Variants in FAAH2 observed in about 807,000 individuals in gnomAD.
The protein encoded by FAAH2 is fatty-acid amide hydrolase 2.
FAAH2 carries 60 observed loss-of-function variants against 36.9 expected under a neutral mutation model. The ratio of observed to expected loss-of-function variants is 1.63; its 90% confidence interval spans 1.32 to 2.02. FAAH2 has a LOEUF of 2.02. Ranked by LOEUF, FAAH2 falls within the 30% of genes most tolerant of loss-of-function variation. FAAH2 has a pLI of 0.00. For synonymous variants in FAAH2, 214 were observed against 143.8 expected (o/e 1.49, Z -3.49); for missense variants, 689 against 397.5 (o/e 1.73, Z -6.23).
chrX:57,417,840 T>C (rs1569330453), intron 7 of FAAH2, among the ~76,000 whole-genome samples: 1 of 111,757 alleles, frequency 8.9e-6, no homozygotes, highest in Non-Finnish European at 1.9e-5. Flanking sequence ...AGCCGCCCCT[T>C]CCCCCAGGTT....
In FAAH2 at chrX:57,353,884, A is replaced by G. The variant is rs189890002; in HGVS notation, c.742+12494A>G. Among the ~76,000 whole-genome samples, 250 of 111,453 alleles carry G rather than the reference A, an allele frequency of 2.2e-3. 2 individuals are homozygous for G. The highest frequency in any genetic ancestry group is 5.5e-4 in the Non-Finnish European group (29 of 52,734). ...ACTAGCTATCAGAGAAATGCAAGTC[A>G]AAACCAATGTGAGATTATATCTTAC... is the stretch of plus-strand genomic sequence containing the variant. On this transcript the variant is annotated intron_variant, in intron 5 of 10. Transcript: ENST00000374900.
the FAAH2 span, among the ~76,000 whole-genome samples, chrX:57,233,818 G>A: frequency 8.9e-6 from 1 of 112,106 alleles, no homozygotes; most frequent in South Asian, 3.7e-4. Flanking sequence ...TTTATTTCAT[G>A]ATATTTTGTG....
chrX:57,285,439 C>T (rs1236282547), upstream of FAAH2, among the ~76,000 whole-genome samples: 7 of 111,982 alleles, frequency 6.3e-5, no homozygotes, highest in Admixed American at 9.5e-5. Context: ...CCCTGTTCTT[C>T]GAGGAGTTTA....
At chrX:57,197,832 G>A in the FAAH2 span, among the ~76,000 whole-genome samples, 7 of 112,123 alleles carry the variant, frequency 6.2e-5, no homozygotes, top group South Asian at 3.7e-4. Flanking sequence ...TTTGTTTAGC[G>A]CACTGGTTTC....
chrX:57,129,982 G>T, the FAAH2 span, among the ~76,000 whole-genome samples: 1 of 112,350 alleles, frequency 8.9e-6, no homozygotes, highest in Non-Finnish European at 1.9e-5. Flanking sequence ...GAGCTCAATG[G>T]CAATGCTTCT....
the FAAH2 span, among the ~76,000 whole-genome samples, chrX:57,157,162 G>A: frequency 9.0e-6 from 1 of 111,694 alleles, no homozygotes; most frequent in Non-Finnish European, 1.9e-5. Flanking sequence ...CTTTGCCCAA[G>A]TGGAAAGAGT....
intron 7 of FAAH2, among the ~76,000 whole-genome samples, chrX:57,387,601 A>T (rs890173696): frequency 9.0e-6 from 1 of 111,373 alleles, no homozygotes; most frequent in Non-Finnish European, 1.9e-5. Context: ...GTTTTGAATA[A>T]AAAAAGAAAC....
At chrX:57,260,759 G>A in the FAAH2 span, among the ~76,000 whole-genome samples, 62 of 109,808 alleles carry the variant, frequency 5.6e-4, no homozygotes, top group South Asian at 4.5e-3. Flanking sequence ...GTGTGTGTGT[G>A]TATATATATA....
chrX:57,443,005 G>T (rs1174940572), intron 8 of FAAH2, among the ~76,000 whole-genome samples: 4 of 111,787 alleles, frequency 3.6e-5, no homozygotes, highest in African/African-American at 1.3e-4. Flanking sequence ...GCTTCCCTTT[G>T]TGGGTAACCC....
the FAAH2 span, among the ~76,000 whole-genome samples, chrX:57,159,776 A>G: frequency 8.9e-6 from 1 of 111,878 alleles, no homozygotes; most frequent in Non-Finnish European, 1.9e-5. Flanking sequence ...CAATGATGTG[A>G]TCTGCAAACA....
chrX:57,189,366 C>A, the FAAH2 span, among the ~76,000 whole-genome samples: 1 of 109,924 alleles, frequency 9.1e-6, no homozygotes, highest in Non-Finnish European at 1.9e-5. Context: ...TGTTATTAAC[C>A]AGCTTCTGAA....
At chrX:57,202,995 G>T in the FAAH2 span, among the ~76,000 whole-genome samples, 1 of 111,903 alleles carries the variant, frequency 8.9e-6, no homozygotes, top group Non-Finnish European at 1.9e-5. Context: ...TAGTCAGCTT[G>T]TGCTAAATGC....
At chrX:57,369,026 T>C (rs2054487769) in intron 5 of FAAH2, among the ~76,000 whole-genome samples, 1 of 107,317 alleles carries the variant, frequency 9.3e-6, no homozygotes, top group South Asian at 4.0e-4. Context: ...GAGATACATA[T>C]AATGGAAAAG....
intron 7 of FAAH2, among the ~76,000 whole-genome samples, chrX:57,419,553 T>G (rs1248408167): frequency 8.9e-6 from 1 of 111,920 alleles, no homozygotes. Flanking sequence ...TCGCCCACTT[T>G]TTGATGGGGT....
chrX:57,402,077 C>T (rs1426948957), intron 7 of FAAH2, among the ~76,000 whole-genome samples: 4 of 111,263 alleles, frequency 3.6e-5, no homozygotes, highest in Admixed American at 2.8e-4. Flanking sequence ...GACAGTTAAC[C>T]TCCTGGCCCT....
intron 8 of FAAH2, among the ~76,000 whole-genome samples, chrX:57,441,542 C>CA (rs1379313719): frequency 9.2e-6 from 1 of 109,223 alleles, no homozygotes; most frequent in Non-Finnish European, 1.9e-5. Flanking sequence ...TTGATCTTTT[C>CA]AAAAAAACCA....
At chrX:57,428,507 G>A (rs980357199) in intron 7 of FAAH2, among the ~76,000 whole-genome samples, 4 of 111,861 alleles carry the variant, frequency 3.6e-5, no homozygotes, top group African/African-American at 1.3e-4. Flanking sequence ...CAAAGCCATA[G>A]AAACTACAAC....
intron 10 of FAAH2, among the ~76,000 whole-genome samples, chrX:57,473,788 T>C (rs1454751496): frequency 9.0e-6 from 1 of 111,652 alleles, no homozygotes; most frequent in Non-Finnish European, 1.9e-5. Context: ...TTTAGTACCA[T>C]TGTTGATCTA....
At chrX:57,325,343 G>T (rs958449117) in intron 3 of FAAH2, among the ~76,000 whole-genome samples, 5 of 111,400 alleles carry the variant, frequency 4.5e-5, no homozygotes, top group Admixed American at 9.5e-5. Flanking sequence ...TCAGGATGAT[G>T]CTGGCCTCAT....
Sources: allele counts gnomAD v4.1 joint callset (sites outside exome capture counted in the v4.1 genomes callset), GRCh38; gene constraint gnomAD v4.1.1; transcripts MANE v1.5; gene names NCBI Gene and HGNC (gene_info 2026-07-23, HGNC 2026-07-21).